MCU: variants seen among roughly 807,000 people sequenced by gnomAD.
MCU encodes the protein mitochondrial calcium uniporter, also known as calcium uniporter protein, mitochondrial.
MCU carries 12 observed loss-of-function variants against 45.2 expected under a neutral mutation model. That is an observed-to-expected ratio of 0.27 (90% CI 0.17 to 0.43). The LOEUF is 0.43. Among genes scored for constraint, MCU ranks in the 20% least tolerant of loss-of-function variants. MCU has a pLI of 1.00. For missense variants in MCU, 324 were observed against 436.7 expected (o/e 0.74, Z 2.30); for synonymous variants, 160 against 165.1 (o/e 0.97, Z 0.24).
intron 1 of MCU, among the ~76,000 whole-genome samples, chr10:72,793,918 G>A (rs1282150919): frequency 6.6e-6 from 1 of 152,180 alleles, no homozygotes; most frequent in Non-Finnish European, 1.5e-5. Flanking sequence ...CATACTGTGA[G>A]CTGAGCATGT....
At chr10:72,762,036 C>A (rs1179716241) in intron 1 of MCU, among the ~76,000 whole-genome samples, 3 of 152,006 alleles carry the variant, frequency 2.0e-5, no homozygotes, top group South Asian at 2.1e-4. Flanking sequence ...GAATATCTGA[C>A]AAAATATATT....
intron 5 of MCU, among the ~76,000 whole-genome samples, chr10:72,870,648 C>G (rs1845528602): frequency 6.6e-6 from 1 of 152,160 alleles, no homozygotes; most frequent in African/African-American, 2.4e-5. Context: ...ATTTGCAGAT[C>G]ATCGCTCTGA....
chr10:72,886,193 G>GT lies in MCU; in HGVS notation c.*376dup, dbSNP rs1397968328. 1 of 162,702 alleles carries GT rather than the reference G, an allele frequency of 6.1e-6. No homozygotes were observed. The highest frequency in any genetic ancestry group is 1.3e-5 in the Non-Finnish European group (1 of 75,008). 10.1% of individuals were successfully genotyped at this position (162,702 alleles called of 1,614,324 possible). On this transcript the variant is annotated 3_prime_UTR_variant, in exon 8 of 8. Coordinates refer to ENST00000373053, the MANE Select transcript of MCU (RefSeq NM_138357.3). ...ACCAGCACCCCACTCGACTCTATTT[G>GT]TTTTTAATTTAACTGTCCCTATTTT...
intron 6 of MCU, among the ~76,000 whole-genome samples, chr10:72,881,982 C>A (rs1845709771): frequency 6.6e-6 from 1 of 152,160 alleles, no homozygotes. Flanking sequence ...AACGGAGGGA[C>A]CGGCTGAAGC....
At chr10:72,873,810 T>G (rs1387598887) in intron 6 of MCU, among the ~76,000 whole-genome samples, 2 of 152,232 alleles carry the variant, frequency 1.3e-5, no homozygotes, top group Non-Finnish European at 2.9e-5. Context: ...CTTTCATTCT[T>G]CGGCATATGG....
At position 72,775,795 on chromosome 10, in the gene MCU, G is replaced by A. The variant is rs190793358; in HGVS notation, c.151-58564G>A. On this transcript the variant is annotated intron_variant, in intron 1 of 7. Transcript: ENST00000373053. ...AGAAAAGGATAAATTCCTGGATACC[G>A]TACAACCTACCAAGATTGAACCACG... Among the ~76,000 whole-genome samples the A allele has an allele frequency of 1.5e-3, 224 of 152,164 alleles. 2 individuals are homozygous for A. Among genetic ancestry groups the A allele is most frequent in the African/African-American group, 4.9e-3 (203 of 41,500 alleles).
chr10:72,793,530 A>C (rs1192913098), intron 1 of MCU, among the ~76,000 whole-genome samples: 2 of 152,282 alleles, frequency 1.3e-5, no homozygotes, highest in Admixed American at 6.5e-5. Context: ...CAAAAACAAC[A>C]ACCATCATTT....
chr10:72,761,038 C>G (rs1247697437), intron 1 of MCU, among the ~76,000 whole-genome samples: 2 of 152,030 alleles, frequency 1.3e-5, no homozygotes, highest in Non-Finnish European at 2.9e-5. Flanking sequence ...AAGGTTAGTG[C>G]CACCGTAGAA....
At chr10:72,858,069 G>T (rs1042667938) in intron 2 of MCU, among the ~76,000 whole-genome samples, 2 of 152,194 alleles carry the variant, frequency 1.3e-5, no homozygotes, top group Non-Finnish European at 2.9e-5. Flanking sequence ...GTTGCAGGCT[G>T]CAGGGTGGCC....
chr10:72,881,060 C>A (rs1845694000), intron 6 of MCU, among the ~76,000 whole-genome samples: 1 of 152,040 alleles, frequency 6.6e-6, no homozygotes, highest in Non-Finnish European at 1.5e-5. Context: ...AGCCCAGGAT[C>A]TTGAGGCTGC....
At chr10:72,807,770 G>A (rs749374187) in intron 1 of MCU, among the ~76,000 whole-genome samples, 1 of 151,994 alleles carries the variant, frequency 6.6e-6, no homozygotes, top group Non-Finnish European at 1.5e-5. Flanking sequence ...ACTGAGAATT[G>A]TTTTCCTTTT....
chr10:72,835,347 A>T (rs1392889417), intron 2 of MCU, among the ~76,000 whole-genome samples: 1 of 152,210 alleles, frequency 6.6e-6, no homozygotes, highest in Non-Finnish European at 1.5e-5. Flanking sequence ...TTTACAGTTT[A>T]GGTTGCTTAG....
chr10:72,860,649 T>C (rs1357965137), intron 4 of MCU, 122 bp downstream of exon 4: 2 of 711,938 alleles, frequency 2.8e-6, no homozygotes, highest in East Asian at 5.4e-5. Flanking sequence ...GAAAGTTTTA[T>C]ATACAGATAG....
At chr10:72,792,651 CTTTA>C (rs1302651917) in intron 1 of MCU, among the ~76,000 whole-genome samples, 2 of 151,998 alleles carry the variant, frequency 1.3e-5, no homozygotes, top group Non-Finnish European at 2.9e-5. Flanking sequence ...CAGGGTTTTC[CTTTA>C]TTTATTTCTA....
At chr10:72,714,337 G>A (rs1365067115) in intron 1 of MCU, among the ~76,000 whole-genome samples, 6 of 58,054 alleles carry the variant, frequency 1.0e-4, no homozygotes, top group Admixed American at 3.1e-4. Flanking sequence ...AGTTCCCCCC[G>A]CCCTGGTCTT....
At chr10:72,836,528 C>T (rs1844958563) in intron 2 of MCU, among the ~76,000 whole-genome samples, 1 of 151,944 alleles carries the variant, frequency 6.6e-6, no homozygotes, top group African/African-American at 2.4e-5. Context: ...TATATTCTAT[C>T]CATATGGAGA....
intron 1 of MCU, among the ~76,000 whole-genome samples, chr10:72,772,077 A>G (rs983241167): frequency 1.3e-5 from 2 of 152,258 alleles, no homozygotes; most frequent in Non-Finnish European, 2.9e-5. Context: ...TGGGAAGCAC[A>G]GTGACTGCCT....
chr10:72,770,367 A>G (rs1843786830), intron 1 of MCU, among the ~76,000 whole-genome samples: 1 of 152,058 alleles, frequency 6.6e-6, no homozygotes, highest in Admixed American at 6.5e-5. Context: ...AGGGTTTATC[A>G]TATACATCTT....
intron 1 of MCU, among the ~76,000 whole-genome samples, chr10:72,830,396 G>A (rs1844862040): frequency 6.6e-6 from 1 of 152,160 alleles, no homozygotes; most frequent in Non-Finnish European, 1.5e-5. Flanking sequence ...GAGGATTTCT[G>A]TTGTAAAACG....
Sources: allele counts gnomAD v4.1 joint callset (sites outside exome capture counted in the v4.1 genomes callset), GRCh38; gene constraint gnomAD v4.1.1; transcripts MANE v1.5; gene names NCBI Gene and HGNC (gene_info 2026-07-23, HGNC 2026-07-21).